MCOLN1: variants seen among roughly 807,000 people sequenced by gnomAD.
The protein encoded by MCOLN1 is mucolipin-1.
MCOLN1 carries 50 observed loss-of-function variants against 70.3 expected under a neutral mutation model. The ratio of observed to expected loss-of-function variants is 0.71; its 90% CI spans 0.57 to 0.90. The LOEUF is 0.90. MCOLN1 is among the 40% of genes least tolerant of loss of function. MCOLN1 has a pLI of 0.00. For synonymous variants in MCOLN1, 366 were observed against 341.0 expected, an observed-to-expected ratio of 1.07 and a Z score of -0.81; for missense variants, 598 against 803.5, an observed-to-expected ratio of 0.74 and a Z score of 3.09.
In MCOLN1 at chr19:7,528,877, G is replaced by C. The variant is rs374286921; in HGVS notation, c.1041G>C (p.Arg347=). The part of the protein sequence containing the change: ...QRGRVISLWE[R]LEFVNGWYIL... ...GACGGGTCATCAGCCTGTGGGAGCG[G>C]CTGGAATTTGTCAATGGCTGGTACA... Residue 347 remains arginine, a synonymous_variant, in exon 9 of 14, where the codon CGG becomes CGC. Transcript: ENST00000264079. This position sits in a 1 kb window ranked among gnomAD's most constrained non-coding sequence, Gnocchi z 4.2. The C allele has an allele frequency of 6.2e-7, 1 of 1,614,070 alleles. No individual in the cohort carries two copies. The highest frequency in any genetic ancestry group is 1.3e-5 in the African/African-American group (1 of 74,920).
chr19:7,525,437 G>A lies in MCOLN1; in HGVS notation c.237+271G>A, dbSNP rs1191926491. 3 of 405,932 alleles carry A rather than the reference G, an allele frequency of 7.4e-6. No individual in the cohort carries two copies. The Admixed American group carries it at 1.1e-4, about 14-fold the overall frequency. The allele number at this position is 405,932 out of a possible 1,614,324, so 25.1% of individuals were successfully genotyped here. ...TGAATTGGGAGGCGGAGGTTGCCGT[G>A]AGCTGAAATCATGCCACTGCACTCC... On this transcript the variant is annotated intron_variant, in intron 2 of 13. Transcript: ENST00000264079. The surrounding 1 kb of genome is among the most constrained non-coding windows in gnomAD (Gnocchi z 4.2).
rs1390379679 is a variant in MCOLN1, at chr19:7,524,290, G to A, written c.32-671G>A. ...ATTTCTAGGAGCTGGTGCTTTTCAG[G>A]GAGATAAAATGAGTCTTTAGCGAAT... On this transcript the variant is annotated intron_variant, in intron 1 of 13. Coordinates refer to ENST00000264079, the MANE Select transcript of MCOLN1 (RefSeq NM_020533.3). This position sits in a 1 kb window ranked among gnomAD's most constrained non-coding sequence, Gnocchi z 4.1. Among the ~76,000 whole-genome samples the A allele has an allele frequency of 6.6e-6, 1 of 152,160 alleles. No homozygotes were observed. Among genetic ancestry groups the A allele is most frequent in the Non-Finnish European group, 1.5e-5 (1 of 68,038 alleles).
At position 7,528,676 on chromosome 19, in the gene MCOLN1, A is replaced by G. The variant is rs1208758395; in HGVS notation, c.957A>G (p.Ser319=). ...CSLSFLLCAR[S]LLRGFLLQNE... ...TGTCCTTCCTCCTCTGCGCCCGCTCACTCCTTCGAGGCTTCCTGCTGCAGA... is the reference window on the plus strand; with the variant it reads ...TGTCCTTCCTCCTCTGCGCCCGCTCGCTCCTTCGAGGCTTCCTGCTGCAGA... Residue 319 remains serine, a synonymous_variant, in exon 8 of 14, where the codon TCA becomes TCG. Transcript: ENST00000264079. This position sits in a 1 kb window ranked among gnomAD's most constrained non-coding sequence, Gnocchi z 4.2. 1 of 1,613,334 alleles carries G rather than the reference A, an allele frequency of 6.2e-7. No individual in the cohort carries two copies. Among genetic ancestry groups the G allele is most frequent in the South Asian group, 1.1e-5 (1 of 91,058 alleles).
In MCOLN1 at chr19:7,522,730, G is replaced by T. The variant is rs1467512583; in HGVS notation, c.-21G>T. 4 of 1,453,240 alleles carry T rather than the reference G, an allele frequency of 2.8e-6. No homozygotes were observed. The highest frequency in any genetic ancestry group is 2.7e-5 in the South Asian group (2 of 74,164). 90.0% of individuals were successfully genotyped at this position (1,453,240 alleles called of 1,614,324 possible). A position where few individuals can be genotyped will look rare whatever the true frequency, so the allele number is the denominator to read the frequency against. On this transcript the variant is annotated 5_prime_UTR_variant, in exon 1 of 14. Transcript: ENST00000264079. ...AGGCTGCCCCGCCGTACCCGCCTGC[G>T]TCCCGCGCTCCCGCCCCAGCATGAC...
In MCOLN1 at chr19:7,525,567, G is replaced by A. The variant is rs927442233; in HGVS notation, c.237+401G>A. ...CAAAGTCACACAGCAATAGAACATT[G>A]GGAGCTGGGATTTGAACCCAGGCAG... On this transcript the variant is annotated intron_variant, in intron 2 of 13. Coordinates refer to ENST00000264079, the MANE Select transcript of MCOLN1 (RefSeq NM_020533.3). The surrounding 1 kb of genome is among the most constrained non-coding windows in gnomAD (Gnocchi z 4.2). 2 of 268,646 alleles carry A rather than the reference G, an allele frequency of 7.4e-6. No homozygotes were observed. The highest frequency in any genetic ancestry group is 1.5e-5 in the Non-Finnish European group (2 of 137,128). 16.6% of individuals were successfully genotyped at this position (268,646 alleles called of 1,614,324 possible). A position where few individuals can be genotyped will look rare whatever the true frequency, so the allele number is the denominator to read the frequency against.
rs2022619813 is a variant in MCOLN1, at chr19:7,529,307, C to T, written c.1236+105C>T. The stretch of plus-strand genomic sequence containing the variant: ...ACCAGCCCCGGCCAATGGCCCCTTG[C>T]AAGCCTCCTCCTCCTACCTGCCCAC... On this transcript the variant is annotated intron_variant, in intron 10 of 13. Transcript: ENST00000264079. 5 of 1,091,320 alleles carry T rather than the reference C, an allele frequency of 4.6e-6. No homozygotes were observed. In the Admixed American group the frequency reaches 5.6e-5, roughly 12 times the overall value. 67.6% of individuals were successfully genotyped at this position (1,091,320 alleles called of 1,614,324 possible). A position where few individuals can be genotyped will look rare whatever the true frequency, so the allele number is the denominator to read the frequency against.
rs750004872 is a variant in MCOLN1 at position 7,528,885 on chromosome 19, T to C, written c.1049T>C (p.Phe350Ser). 6.2e-7 allele frequency: 1 copy of C among 1,613,998 alleles called. No individual in the cohort carries two copies. The highest frequency in any genetic ancestry group is 8.5e-7 in the Non-Finnish European group (1 of 1,180,004). ...ATCAGCCTGTGGGAGCGGCTGGAAT[T>C]TGTCAATGGCTGGTACATCCTGCTC... The part of the protein sequence containing the change: ...RVISLWERLE[F>S]VNGWYILLVT... The change falls in exon 9 of 14, where the codon TTT becomes TCT. Residue 350 changes from phenylalanine (F) to serine (S), a missense_variant. Physicochemically the swap from Phe to Ser is radical, Grantham distance 155. This residue lies in a region of MCOLN1 where 461 missense variants were observed against 588.4 expected (regional missense o/e 0.78). Transcript: ENST00000264079. The surrounding 1 kb of genome is among the most constrained non-coding windows in gnomAD (Gnocchi z 4.2).
intron 10 of MCOLN1, 110 bp downstream of exon 10, chr19:7,529,312 C>T: frequency 9.5e-7 from 1 of 1,047,828 alleles, no homozygotes; most frequent in Non-Finnish European, 1.4e-6. Flanking sequence ...CCTTGCAAGC[C>T]TCCTCCTCCT....
intron 12 of MCOLN1, among the ~76,000 whole-genome samples, chr19:7,531,031 C>T (rs942482825): frequency 2.6e-5 from 4 of 152,076 alleles, no homozygotes; most frequent in Admixed American, 6.6e-5. Flanking sequence ...TGAGCCACCA[C>T]GCCCGGCCTA....
intron 12 of MCOLN1, among the ~76,000 whole-genome samples, chr19:7,532,829 G>A (rs1599257538): frequency 6.6e-6 from 1 of 152,210 alleles, no homozygotes; most frequent in Non-Finnish European, 1.5e-5. Context: ...GTGGCTGGTG[G>A]CTGCCATATT....
intron 4 of MCOLN1, 76 bp from the exon 5 acceptor site, chr19:7,527,444 G>T (rs1408307310): frequency 2.6e-6 from 2 of 782,566 alleles, no homozygotes; most frequent in Admixed American, 3.4e-5. Context: ...CAGGGAAGAA[G>T]GCCACTGGGG....
At chr19:7,523,036 T>G (rs1008735926) in intron 1 of MCOLN1, among the ~76,000 whole-genome samples, 2 of 151,856 alleles carry the variant, frequency 1.3e-5, no homozygotes, top group Non-Finnish European at 2.9e-5. Flanking sequence ...AGCTTCTCCC[T>G]CTGGGGCGGC....
chr19:7,533,760 G>T lies in MCOLN1; in HGVS notation c.1708G>T (p.Asp570Tyr). Residue 570 changes from aspartate (D) to tyrosine (Y), a missense_variant and splice_region_variant, in exon 14 of 14, where the codon GAC becomes TAC. This residue lies in a region of MCOLN1 where 59 missense variants were observed against 58.8 expected (regional missense o/e 1.00). Transcript: ENST00000264079. ...CTCTTCCCTGCTTCCTTCCTCCAGG[G>T]ACCCCTCGGAGGAGCATTCGCTGCT... is the stretch of plus-strand genomic sequence containing the variant. ...ACSLLCCCGR[D>Y]PSEEHSLLVN 6.2e-7 allele frequency: 1 copy of T among 1,614,202 alleles called. No individual in the cohort carries two copies. The highest frequency in any genetic ancestry group is 1.1e-5 in the South Asian group (1 of 91,090).
At chr19:7,527,211 G>T (rs1051260564) in intron 4 of MCOLN1, 9 of 556,526 alleles carry the variant, frequency 1.6e-5, no homozygotes, top group Admixed American at 8.5e-5. Context: ...GGTTGAGGCT[G>T]CAGTAAGCTA....
At position 7,524,028 on chromosome 19, in the gene MCOLN1, T is replaced by TA. The variant is rs777855505; in HGVS notation, c.32-925dup. ...GCATGAGCCGTCACACCTGACTATTTAAAAAAAATGTTTTTTTTTTGTAGA... is the reference window on the plus strand; with the variant it reads ...GCATGAGCCGTCACACCTGACTATTTAAAAAAAAATGTTTTTTTTTTGTAGA... On this transcript the variant is annotated intron_variant, in intron 1 of 13. Coordinates refer to ENST00000264079, the MANE Select transcript of MCOLN1 (RefSeq NM_020533.3). This position sits in a 1 kb window ranked among gnomAD's most constrained non-coding sequence, Gnocchi z 4.1. Among the ~76,000 whole-genome samples the TA allele has an allele frequency of 4.6e-5, 7 of 151,784 alleles. No homozygotes were observed. The highest frequency in any genetic ancestry group is 7.4e-5 in the Non-Finnish European group (5 of 67,940).
chr19:7,528,978 C>T lies in MCOLN1; in HGVS notation c.1134+8C>T. 1 of 1,614,098 alleles carries T rather than the reference C, an allele frequency of 6.2e-7. No individual in the cohort carries two copies. Among genetic ancestry groups the T allele is most frequent in the Non-Finnish European group, 8.5e-7 (1 of 1,180,012 alleles). On this transcript the variant is annotated splice_region_variant and intron_variant, in intron 9 of 13. Transcript: ENST00000264079. The surrounding 1 kb of genome is among the most constrained non-coding windows in gnomAD (Gnocchi z 4.2). The stretch of plus-strand genomic sequence containing the variant: ...ATCGGCATCGAGGCCAAGGTGCGTC[C>T]TGCCAACACCCTGGGCCCCAGGTCC...
At position 7,527,938 on chromosome 19, in the gene MCOLN1, A is replaced by G; in HGVS notation, c.755A>G (p.Asp252Gly). 6.2e-7 allele frequency: 1 copy of G among 1,614,092 alleles called. No homozygotes were observed. The highest frequency in any genetic ancestry group is 8.5e-7 in the Non-Finnish European group (1 of 1,179,976). ...LQSLINNEIP[D>G]CYTFSVLITF... The stretch of plus-strand genomic sequence containing the variant: ...AGCCTCATCAATAATGAGATCCCGG[A>G]CTGCTATACCTTCAGCGTCCTGGTG... Residue 252 changes from aspartate (D) to glycine (G), a missense_variant, in exon 6 of 14, where the codon GAC (aspartate) becomes GGC (glycine). Transcript: ENST00000264079.
At position 7,528,841 on chromosome 19, in the gene MCOLN1, G is replaced by A; in HGVS notation, c.1005G>A (p.Trp335Ter). 6.2e-7 allele frequency: 1 copy of A among 1,614,246 alleles called. No homozygotes were observed. The highest frequency in any genetic ancestry group is 8.5e-7 in the Non-Finnish European group (1 of 1,180,038). The change falls in exon 9 of 14, where the codon TGG becomes TGA. Residue 335 changes from tryptophan to a stop codon, truncating the protein, a stop_gained. Coordinates refer to ENST00000264079, the MANE Select transcript of MCOLN1 (RefSeq NM_020533.3). LOFTEE classifies it high-confidence loss of function. The surrounding 1 kb of genome is among the most constrained non-coding windows in gnomAD (Gnocchi z 4.2). ...LLQNEFVGFM[W>*]RQRGRVISLW... ...TGCAGGAGTTTGTGGGGTTCATGTG[G>A]CGGCAGCGGGGACGGGTCATCAGCC...
In MCOLN1 at chr19:7,528,735, C is replaced by T; in HGVS notation, c.984+32C>T. On this transcript the variant is annotated intron_variant, in intron 8 of 13. Transcript: ENST00000264079. The surrounding 1 kb of genome is among the most constrained non-coding windows in gnomAD (Gnocchi z 4.2). ...CTTCTGCGTCATGTGTGCTGGTGTC[C>T]TCCCCGCCTGGCCCTGGGGCGATAA... 6.2e-7 allele frequency: 1 copy of T among 1,614,204 alleles called. No individual in the cohort carries two copies. The highest frequency in any genetic ancestry group is 8.5e-7 in the Non-Finnish European group (1 of 1,180,022).
Sources: allele counts gnomAD v4.1 joint callset (sites outside exome capture counted in the v4.1 genomes callset), GRCh38; gene constraint gnomAD v4.1.1; regional missense constraint gnomAD v4.1.1; non-coding constraint Gnocchi (gnomAD v3.1); transcripts MANE v1.5; gene names NCBI Gene and HGNC (gene_info 2026-07-23, HGNC 2026-07-21).